The following ADAM23 variants were observed in gnomAD, a reference collection of about 807,000 sequenced individuals.
The protein encoded by ADAM23 is ADAM metallopeptidase domain 23.
A neutral mutation model predicts 120.1 loss-of-function variants in ADAM23; 33 were observed. The observed-to-expected ratio is 0.27, with a 90% CI of 0.21 to 0.37. The LOEUF (loss-of-function observed/expected upper bound fraction) is 0.37, where lower values mean the gene tolerates loss of function less well. ADAM23 is among the 10% of genes least tolerant of loss of function. The pLI is 1.00. For synonymous variants in ADAM23, 367 were observed against 375.2 expected, an observed-to-expected ratio of 0.98 and a Z score of 0.25; for missense variants, 862 against 1,058.2, an observed-to-expected ratio of 0.81 and a Z score of 2.57.
intron 2 of ADAM23, among the ~76,000 whole-genome samples, chr2:206,449,119 C>A (rs997257080): frequency 6.6e-6 from 1 of 152,168 alleles, no homozygotes; most frequent in African/African-American, 2.4e-5. Context: ...GATGGAGAAT[C>A]TGCAGAATTA....
intron 9 of ADAM23, among the ~76,000 whole-genome samples, chr2:206,553,643 A>G (rs999582565): frequency 4.6e-5 from 7 of 152,132 alleles, no homozygotes; most frequent in African/African-American, 1.7e-4. Context: ...AGCTGAAAAA[A>G]ATTTTTTGAG....
intron 9 of ADAM23, among the ~76,000 whole-genome samples, chr2:206,555,220 C>T (rs1433148355): frequency 6.6e-6 from 1 of 152,130 alleles, no homozygotes; most frequent in Non-Finnish European, 1.5e-5. Context: ...TTGAATAGAA[C>T]TTCTGAATCA....
intron 2 of ADAM23, among the ~76,000 whole-genome samples, chr2:206,461,962 G>T (rs1695429893): frequency 1.3e-5 from 2 of 152,120 alleles, no homozygotes. Context: ...AAGAGCTTTT[G>T]CAAAATAGAA....
intron 3 of ADAM23, among the ~76,000 whole-genome samples, chr2:206,489,303 C>T (rs1174477772): frequency 1.3e-5 from 2 of 152,168 alleles, no homozygotes; most frequent in African/African-American, 4.8e-5. Context: ...ACTAGCAGCC[C>T]ATCATGCTCA....
intron 25 of ADAM23, among the ~76,000 whole-genome samples, chr2:206,613,676 C>T (rs147534234): frequency 7.1e-4 from 108 of 152,182 alleles, no homozygotes; most frequent in African/African-American, 2.4e-3. Flanking sequence ...CTGCTTGATT[C>T]GACTGTTAGA....
intron 6 of ADAM23, among the ~76,000 whole-genome samples, chr2:206,544,259 AC>A (rs1434977861): frequency 6.6e-6 from 1 of 152,246 alleles, no homozygotes; most frequent in African/African-American, 2.4e-5. Context: ...ATTATAAAAT[AC>A]TTAGTTTTCT....
intron 3 of ADAM23, among the ~76,000 whole-genome samples, chr2:206,516,760 A>G (rs1487030692): frequency 1.3e-5 from 2 of 152,182 alleles, no homozygotes; most frequent in African/African-American, 2.4e-5. Flanking sequence ...GATTTCAGCT[A>G]TTCGTGCTGT....
chr2:206,558,034 TG>T (rs1697681367), intron 10 of ADAM23, among the ~76,000 whole-genome samples: 1 of 152,326 alleles, frequency 6.6e-6, no homozygotes, highest in Admixed American at 6.5e-5. Context: ...AAAACTAATT[TG>T]GAAGAATAAA....
chr2:206,578,180 TA>T (rs10549506), intron 18 of ADAM23, among the ~76,000 whole-genome samples: 1 of 152,116 alleles, frequency 6.6e-6, no homozygotes. Context: ...TAGTTTTATT[TA>T]TTTTTTAACA....
intron 3 of ADAM23, among the ~76,000 whole-genome samples, chr2:206,508,322 G>A (rs978362118): frequency 1.9e-4 from 29 of 152,220 alleles, no homozygotes; most frequent in African/African-American, 6.3e-4. Context: ...CACTGTGTCC[G>A]GCCGCCTAGT....
rs1699043988 is a variant in ADAM23 at position 206,620,886 on chromosome 2, G to A, written c.*3259G>A. The A allele has an allele frequency of 6.6e-6, 1 of 152,180 alleles. No individual in the cohort carries two copies. Among genetic ancestry groups the A allele is most frequent in the Non-Finnish European group, 1.5e-5 (1 of 68,020 alleles). 9.4% of individuals were successfully genotyped at this position (152,180 alleles called of 1,614,324 possible). ...AACTTTTCAAAGACTAGTGTCTGAA[G>A]AACTTTACAAACAATACTTGAACCC... On this transcript the variant is annotated 3_prime_UTR_variant, in exon 26 of 26. Transcript: ENST00000264377.
At chr2:206,511,544 G>A (rs1456975145) in intron 3 of ADAM23, among the ~76,000 whole-genome samples, 2 of 152,154 alleles carry the variant, frequency 1.3e-5, no homozygotes, top group Non-Finnish European at 2.9e-5. Context: ...CTCTGCCTTG[G>A]AGGGGTGCAT....
intron 3 of ADAM23, among the ~76,000 whole-genome samples, chr2:206,495,302 T>C (rs1696216651): frequency 6.6e-6 from 1 of 152,236 alleles, no homozygotes; most frequent in Non-Finnish European, 1.5e-5. Flanking sequence ...AGCTGATCTC[T>C]CGGCAGAAAC....
rs757403392 is a variant in ADAM23 at position 206,570,818 on chromosome 2, A to T, written c.1566+7A>T. ...TGATTGTGGTTTTCATGTGGTAGGT[A>T]TAAGAAACCTTCTATACTTACAGCA... On this transcript the variant is annotated splice_region_variant and intron_variant, in intron 16 of 25. Coordinates refer to ENST00000264377, the MANE Select transcript of ADAM23 (RefSeq NM_003812.4). 1.2e-6 allele frequency: 2 copies of T among 1,611,016 alleles called. No homozygotes were observed. Among genetic ancestry groups the T allele is most frequent in the African/African-American group, 1.3e-5 (1 of 74,850 alleles).
intron 25 of ADAM23, 142 bp downstream of exon 25, chr2:206,610,142 G>T: frequency 1.4e-6 from 1 of 695,392 alleles, no homozygotes; most frequent in Non-Finnish European, 2.2e-6. Context: ...TTCAGAAATG[G>T]GTTAGAAATG....
intron 4 of ADAM23, among the ~76,000 whole-genome samples, chr2:206,539,389 G>C (rs1345436761): frequency 6.6e-6 from 1 of 152,174 alleles, no homozygotes; most frequent in Non-Finnish European, 1.5e-5. Context: ...CCACGTCACA[G>C]GTCTGTGACC....
rs767549806 is a variant in ADAM23, at chr2:206,596,136, A to AC, written c.2340dup (p.Lys781GlnfsTer3). 3.1e-6 allele frequency: 5 copies of AC among 1,613,488 alleles called. No homozygotes were observed. The highest frequency in any genetic ancestry group is 2.2e-5 in the East Asian group (1 of 44,858). The stretch of plus-strand genomic sequence containing the variant: ...ATCCGGGATCCAGTTAGGAACCTTC[A>AC]CCCCCCCAAGGATGAAGGACCCAAG... On this transcript the variant is annotated frameshift_variant, in exon 24 of 26. Coordinates refer to ENST00000264377, the MANE Select transcript of ADAM23 (RefSeq NM_003812.4). LOFTEE classifies it high-confidence loss of function.
At chr2:206,479,704 C>T (rs2105876722) in intron 2 of ADAM23, among the ~76,000 whole-genome samples, 1 of 152,230 alleles carries the variant, frequency 6.6e-6, no homozygotes, top group South Asian at 2.1e-4. Flanking sequence ...CTCTCTCTCT[C>T]ACTCATAGTT....
intron 3 of ADAM23, among the ~76,000 whole-genome samples, chr2:206,516,319 A>G (rs112472598): frequency 0.012 from 1,884 of 152,246 alleles, 16 homozygotes; most frequent in Non-Finnish European, 0.02. Flanking sequence ...AGATAATGTA[A>G]ATGCGTTTTT....
Sources: allele counts gnomAD v4.1 joint callset (sites outside exome capture counted in the v4.1 genomes callset), GRCh38; gene constraint gnomAD v4.1.1; transcripts MANE v1.5; gene names NCBI Gene and HGNC (gene_info 2026-07-23, HGNC 2026-07-21).